IL1RAPL1: variants seen among roughly 807,000 people sequenced by gnomAD.
IL1RAPL1 encodes interleukin-1 receptor accessory protein-like 1.
A neutral mutation model predicts 48.4 loss-of-function variants in IL1RAPL1; 3 were observed. The ratio of observed to expected loss-of-function variants is 0.06; its 90% CI spans 0.03 to 0.16. IL1RAPL1 has a LOEUF of 0.16. Among genes scored for constraint, IL1RAPL1 ranks in the 10% least tolerant of loss-of-function variants. IL1RAPL1 has a pLI of 1.00. For missense variants in IL1RAPL1, 349 were observed against 530.6 expected (o/e 0.66, Z 3.36); for synonymous variants, 185 against 187.7 (o/e 0.99, Z 0.12).
intron 2 of IL1RAPL1, among the ~76,000 whole-genome samples, chrX:28,926,338 A>T (rs1048723098): frequency 2.7e-5 from 3 of 111,636 alleles, no homozygotes; most frequent in African/African-American, 9.8e-5. Context: ...AGAATTATAG[A>T]AGCTATTTGA....
At chrX:29,929,880 C>G (rs1932926828) in intron 8 of IL1RAPL1, among the ~76,000 whole-genome samples, 2 of 111,252 alleles carry the variant, frequency 1.8e-5, no homozygotes, top group Admixed American at 9.6e-5. Flanking sequence ...CTAATTCTCC[C>G]CAAACAAATA....
chrX:29,040,405 T>C (rs1926821266), intron 2 of IL1RAPL1, among the ~76,000 whole-genome samples: 1 of 111,374 alleles, frequency 9.0e-6, no homozygotes, highest in African/African-American at 3.3e-5. Context: ...GGGGATAGAG[T>C]GTTATTAAAA....
rs774031031 is a variant in IL1RAPL1, at chrX:29,793,633, TATC to T, written c.779-123828_779-123826del. On this transcript the variant is annotated intron_variant, in intron 6 of 10. Coordinates refer to ENST00000378993, the MANE Select transcript of IL1RAPL1 (RefSeq NM_014271.4). ...TATTACACTTACTACATTTATTACT[TATC>T]ATATTTATTGCAATAATCATTATCA... 2.2e-4 allele frequency among the ~76,000 whole-genome samples: 25 copies of T among 111,961 alleles called. 1 individual carries two copies. Among genetic ancestry groups the T allele is most frequent in the South Asian group, 3.7e-4 (1 of 2,707 alleles).
chrX:29,039,865 C>A (rs758761520), intron 2 of IL1RAPL1, among the ~76,000 whole-genome samples: 1 of 108,987 alleles, frequency 9.2e-6, no homozygotes, highest in Non-Finnish European at 1.9e-5. Flanking sequence ...TTAAAGTTGC[C>A]TGATTTAGCA....
chrX:28,934,327 C>T (rs184028573), intron 2 of IL1RAPL1, among the ~76,000 whole-genome samples: 2 of 111,505 alleles, frequency 1.8e-5, no homozygotes, highest in African/African-American at 3.3e-5. Flanking sequence ...TTAGTGGAGA[C>T]GTTTCACTTC....
chrX:28,899,229 A>G (rs1260938755), intron 2 of IL1RAPL1, among the ~76,000 whole-genome samples: 2 of 111,418 alleles, frequency 1.8e-5, no homozygotes, highest in African/African-American at 6.5e-5. Context: ...CCATGATCCA[A>G]TTACCTCTAC....
intron 2 of IL1RAPL1, among the ~76,000 whole-genome samples, chrX:29,254,919 A>G (rs73631643): frequency 0.081 from 9,113 of 111,942 alleles, 894 homozygotes; most frequent in African/African-American, 0.28. Context: ...ATGGAGAATA[A>G]TAATAAAAGT....
At chrX:29,815,520 G>A (rs1930472672) in intron 6 of IL1RAPL1, among the ~76,000 whole-genome samples, 3 of 111,037 alleles carry the variant, frequency 2.7e-5, no homozygotes, top group Admixed American at 9.6e-5. Context: ...TTGTATTATT[G>A]GTGAAGAGAG....
intron 1 of IL1RAPL1, among the ~76,000 whole-genome samples, chrX:28,776,702 C>T (rs748559656): frequency 9.0e-6 from 1 of 111,473 alleles, no homozygotes; most frequent in Non-Finnish European, 1.9e-5. Context: ...AGCTGCATGA[C>T]CTTGGGAAAG....
At chrX:29,587,454 C>T (rs1052508149) in intron 5 of IL1RAPL1, among the ~76,000 whole-genome samples, 3 of 110,345 alleles carry the variant, frequency 2.7e-5, no homozygotes, top group Non-Finnish European at 3.8e-5. Context: ...TAAGTTTAAA[C>T]GATGTATTGT....
At chrX:28,643,611 C>G (rs1224972706) in intron 1 of IL1RAPL1, among the ~76,000 whole-genome samples, 1 of 110,219 alleles carries the variant, frequency 9.1e-6, no homozygotes, top group African/African-American at 3.3e-5. Context: ...TTGTTAAGCA[C>G]TTTGTTGCTC....
intron 8 of IL1RAPL1, among the ~76,000 whole-genome samples, chrX:29,923,192 G>GGCTATGTTCT (rs758527391): frequency 2.2e-4 from 25 of 112,054 alleles, no homozygotes; most frequent in African/African-American, 8.1e-4. Flanking sequence ...ATTTGAGCTA[G>GGCTATGTTCT]GCTATGTTCT....
intron 6 of IL1RAPL1, among the ~76,000 whole-genome samples, chrX:29,709,696 G>A (rs962320319): frequency 3.6e-5 from 4 of 111,328 alleles, no homozygotes; most frequent in Non-Finnish European, 7.6e-5. Flanking sequence ...TTCTATTTCT[G>A]TGAAAAATAA....
intron 6 of IL1RAPL1, among the ~76,000 whole-genome samples, chrX:29,694,998 T>G (rs778216559): frequency 2.0e-4 from 1 of 5,008 alleles, no homozygotes; most frequent in East Asian, 0.2. Flanking sequence ...GGTGGAGAAA[T>G]GTACAATGAC....
At chrX:29,455,823 T>C (rs1934732762) in intron 5 of IL1RAPL1, among the ~76,000 whole-genome samples, 1 of 111,846 alleles carries the variant, frequency 8.9e-6, no homozygotes, top group Admixed American at 9.5e-5. Context: ...AAAGTAGTTT[T>C]ATTTCTCCTT....
chrX:29,114,637 G>GT (rs1928640347), intron 2 of IL1RAPL1, among the ~76,000 whole-genome samples: 1 of 110,202 alleles, frequency 9.1e-6, no homozygotes, highest in South Asian at 3.8e-4. Context: ...TGGTTTGTTT[G>GT]TTTTTTTGAG....
chrX:29,574,699 C>T (rs1922717498), intron 5 of IL1RAPL1, among the ~76,000 whole-genome samples: 1 of 111,905 alleles, frequency 8.9e-6, no homozygotes, highest in Non-Finnish European at 1.9e-5. Flanking sequence ...CAGGCTGCAA[C>T]TTCTCCAAAC....
intron 5 of IL1RAPL1, among the ~76,000 whole-genome samples, chrX:29,604,234 A>C (rs1285284756): frequency 8.9e-6 from 1 of 112,002 alleles, no homozygotes; most frequent in Non-Finnish European, 1.9e-5. Context: ...TATGATGTGA[A>C]TGTCTTATAA....
intron 2 of IL1RAPL1, among the ~76,000 whole-genome samples, chrX:28,917,298 T>C (rs1006082930): frequency 8.9e-6 from 1 of 111,981 alleles, no homozygotes; most frequent in African/African-American, 3.2e-5. Context: ...AGGGAAAATA[T>C]TGTACAACTC....
Sources: gnomAD v4.1 joint callset for allele counts (sites outside exome capture counted in the v4.1 genomes callset) on GRCh38, gnomAD v4.1.1 for gene constraint, MANE v1.5 for transcripts, NCBI Gene and HGNC (gene_info 2026-07-23, HGNC 2026-07-21) for gene names.